The following CNTNAP5 variants were observed in gnomAD, a reference collection of about 807,000 sequenced individuals.
CNTNAP5 encodes the protein contactin associated protein family member 5, also known as contactin-associated protein-like 5.
In CNTNAP5, 72 loss-of-function variants were observed where a neutral mutation model predicts 150.2. The observed-to-expected ratio is 0.48, with a 90% confidence interval of 0.40 to 0.58. The LOEUF is 0.58. Ranked by LOEUF, CNTNAP5 falls within the 20% of genes least tolerant of loss-of-function variation. The probability of loss-of-function intolerance (pLI) is 0.00; values close to 1 mark genes in which losing one functional copy is unlikely to be tolerated. For synonymous variants in CNTNAP5, 672 were observed against 619.8 expected, an observed-to-expected ratio of 1.08 and a Z score of -1.25; for missense variants, 1,636 against 1,626.2, an observed-to-expected ratio of 1.01 and a Z score of -0.10.
intron 7 of CNTNAP5, among the ~76,000 whole-genome samples, chr2:124,490,468 A>G (rs1211318504): frequency 2.6e-5 from 4 of 152,062 alleles, no homozygotes; most frequent in Non-Finnish European, 5.9e-5. Flanking sequence ...AGGAATAATA[A>G]TTAATTTTTG....
At chr2:124,709,233 G>A (rs572456602) in intron 13 of CNTNAP5, among the ~76,000 whole-genome samples, 125 of 113,382 alleles carry the variant, frequency 1.1e-3, no homozygotes, top group African/African-American at 5.4e-3. Flanking sequence ...GTGTGTGTGC[G>A]TGTGTGTGTG....
At chr2:124,158,530 AT>A (rs939307098) in intron 1 of CNTNAP5, among the ~76,000 whole-genome samples, 1 of 151,976 alleles carries the variant, frequency 6.6e-6, no homozygotes, top group Non-Finnish European at 1.5e-5. Flanking sequence ...AAATTTGTGG[AT>A]TTTTTCCCCA....
At chr2:124,504,659 T>A in intron 8 of CNTNAP5, 103 bp downstream of exon 8, 2 of 1,151,108 alleles carry the variant, frequency 1.7e-6, no homozygotes, top group East Asian at 5.1e-5. Flanking sequence ...GGGATATGGG[T>A]TAGCCCAGTA....
At chr2:124,076,952 C>T (rs2104670370) in intron 1 of CNTNAP5, among the ~76,000 whole-genome samples, 1 of 152,216 alleles carries the variant, frequency 6.6e-6, no homozygotes, top group East Asian at 1.9e-4. Context: ...GGGCAAGGAG[C>T]ATTTCAGAAC....
chr2:124,591,043 T>A (rs1696668355), intron 11 of CNTNAP5, among the ~76,000 whole-genome samples: 1 of 152,172 alleles, frequency 6.6e-6, no homozygotes, highest in Admixed American at 6.6e-5. Context: ...ACATTATACA[T>A]CTGTTCACAT....
intron 1 of CNTNAP5, among the ~76,000 whole-genome samples, chr2:124,207,795 T>G (rs930901794): frequency 1.3e-5 from 2 of 152,224 alleles, no homozygotes; most frequent in African/African-American, 2.4e-5. Context: ...ATGCATAATT[T>G]GAAGGGTTTG....
rs563907758 is a variant in CNTNAP5, at chr2:124,709,664, C to T, written c.2078-37565C>T. Among the ~76,000 whole-genome samples the T allele has an allele frequency of 2.0e-3, 301 of 151,986 alleles. 1 individual carries two copies. The highest frequency in any genetic ancestry group is 2.5e-3 in the South Asian group (12 of 4,812). ...TTTTGGAGTTAAAATTATTTTTATCCCCACTGGACAAAATCTACAAGTTAA... is the reference window on the plus strand; with the variant it reads ...TTTTGGAGTTAAAATTATTTTTATCTCCACTGGACAAAATCTACAAGTTAA... On this transcript the variant is annotated intron_variant, in intron 13 of 23. Transcript: ENST00000682447.
intron 13 of CNTNAP5, among the ~76,000 whole-genome samples, chr2:124,729,643 G>T (rs1680228448): frequency 6.6e-6 from 1 of 152,050 alleles, no homozygotes; most frequent in Middle Eastern, 3.4e-3. Flanking sequence ...AAAAATAATG[G>T]TACGACCAAT....
intron 1 of CNTNAP5, among the ~76,000 whole-genome samples, chr2:124,029,395 C>A (rs1680983119): frequency 1.3e-5 from 2 of 151,942 alleles, no homozygotes; most frequent in Admixed American, 1.3e-4. Context: ...TTGGAAGAGT[C>A]CTAAAGATTT....
intron 1 of CNTNAP5, among the ~76,000 whole-genome samples, chr2:124,082,330 C>CA: frequency 9.0e-6 from 1 of 111,342 alleles, no homozygotes; most frequent in South Asian, 3.1e-4. Flanking sequence ...GCCTGGGCAA[C>CA]AGAGTGAGAC....
intron 3 of CNTNAP5, among the ~76,000 whole-genome samples, chr2:124,402,135 G>A (rs1553465018): frequency 6.6e-6 from 1 of 152,134 alleles, no homozygotes; most frequent in Non-Finnish European, 1.5e-5. Context: ...GTCCATGTTA[G>A]GATCCCTTCA....
intron 3 of CNTNAP5, among the ~76,000 whole-genome samples, chr2:124,271,274 T>C (rs923127308): frequency 6.6e-6 from 1 of 151,946 alleles, no homozygotes; most frequent in Non-Finnish European, 1.5e-5. Flanking sequence ...ATAAATTCCA[T>C]AAGAGGAGAA....
chr2:124,621,232 A>G (rs1558707585), intron 12 of CNTNAP5, among the ~76,000 whole-genome samples: 1 of 152,154 alleles, frequency 6.6e-6, no homozygotes. Flanking sequence ...GATATGCAAA[A>G]TTGTTTGTCT....
intron 4 of CNTNAP5, among the ~76,000 whole-genome samples, chr2:124,427,263 C>T (rs1692260051): frequency 6.6e-6 from 1 of 151,874 alleles, no homozygotes; most frequent in Non-Finnish European, 1.5e-5. Flanking sequence ...AATTGGGTAA[C>T]GGGGGTAGGT....
intron 1 of CNTNAP5, among the ~76,000 whole-genome samples, chr2:124,034,664 C>A (rs1681162270): frequency 1.3e-5 from 2 of 152,248 alleles, no homozygotes; most frequent in African/African-American, 2.4e-5. Context: ...AGGAGCACAG[C>A]CCCTCCAAAA....
At chr2:124,216,852 G>T (rs185922960) in intron 1 of CNTNAP5, among the ~76,000 whole-genome samples, 59 of 152,180 alleles carry the variant, frequency 3.9e-4, no homozygotes, top group African/African-American at 1.3e-3. Context: ...ATAAACATAC[G>T]TGTGCATGTG....
intron 11 of CNTNAP5, among the ~76,000 whole-genome samples, chr2:124,605,039 T>C (rs1163837341): frequency 5.9e-5 from 9 of 152,140 alleles, no homozygotes; most frequent in Admixed American, 1.3e-4. Flanking sequence ...GCAAACATCA[T>C]GCAAGCAGAG....
At chr2:124,625,057 A>G (rs147559386) in intron 12 of CNTNAP5, among the ~76,000 whole-genome samples, 253 of 152,332 alleles carry the variant, frequency 1.7e-3, no homozygotes, top group African/African-American at 5.7e-3. Flanking sequence ...CTGGGTTATT[A>G]AGGCCAGGTG....
intron 1 of CNTNAP5, among the ~76,000 whole-genome samples, chr2:124,104,674 C>A (rs1479319823): frequency 6.6e-6 from 1 of 152,106 alleles, no homozygotes; most frequent in Non-Finnish European, 1.5e-5. Flanking sequence ...TCCTCCCACC[C>A]CACTCTGAAC....
Sources: allele counts gnomAD v4.1 joint callset (sites outside exome capture counted in the v4.1 genomes callset), GRCh38; gene constraint gnomAD v4.1.1; transcripts MANE v1.5; gene names NCBI Gene and HGNC (gene_info 2026-07-23, HGNC 2026-07-21).